CDCA4: variants seen among roughly 807,000 people sequenced by gnomAD.
CDCA4 encodes cell division cycle associated 4.
For missense variants in CDCA4, 294 were observed against 322.1 expected (o/e 0.91, Z 0.67); for synonymous variants, 130 against 137.0 (o/e 0.95, Z 0.36).
Position 105,011,153 on chromosome 14 carries a change from T to A in CDCA4, c.*51A>T. On this transcript the variant is annotated 3_prime_UTR_variant, in exon 2 of 2. Transcript: ENST00000336219. The stretch of plus-strand genomic sequence containing the variant: ...CAGGCGCACCCTCCGTGGGAGCCAG[T>A]GCTCACGTGTCAATGCGTCAGAGGC... 1 of 1,544,390 alleles carries A rather than the reference T, an allele frequency of 6.5e-7. No homozygotes were observed. The highest frequency in any genetic ancestry group is 8.7e-7 in the Non-Finnish European group (1 of 1,146,670).
chr14:105,012,571 C>T (rs1900536081), intron 1 of CDCA4, among the ~76,000 whole-genome samples: 1 of 152,246 alleles, frequency 6.6e-6, no homozygotes, highest in Non-Finnish European at 1.5e-5. Flanking sequence ...AGGGGAAGGA[C>T]TGCAGGGCTG....
intron 1 of CDCA4, among the ~76,000 whole-genome samples, chr14:105,020,103 C>A (rs1383726381): frequency 6.6e-6 from 1 of 152,212 alleles, no homozygotes; most frequent in Non-Finnish European, 1.5e-5. Context: ...ACTTCCTAGC[C>A]CCTTTTCCAA....
In CDCA4 at chr14:105,010,251, A is replaced by G. The variant is rs1900462069; in HGVS notation, c.*953T>C. 2 of 152,718 alleles carry G rather than the reference A, an allele frequency of 1.3e-5. 1 individual carries two copies. Among genetic ancestry groups the G allele is most frequent in the South Asian group, 4.1e-4 (2 of 4,832 alleles). 9.5% of individuals were successfully genotyped at this position (152,718 alleles called of 1,614,324 possible). A position where few individuals can be genotyped will look rare whatever the true frequency, so the allele number is the denominator to read the frequency against. On this transcript the variant is annotated 3_prime_UTR_variant, in exon 2 of 2. Transcript: ENST00000336219. ...TGTTTCAGCACCAGTCTAACAGAGC[A>G]GCGCAGGCGTTTCTCATCCAGCAGC... is the stretch of plus-strand genomic sequence containing the variant.
chr14:105,014,270 T>C (rs1407752125), intron 1 of CDCA4, among the ~76,000 whole-genome samples: 1 of 152,108 alleles, frequency 6.6e-6, no homozygotes, highest in Non-Finnish European at 1.5e-5. Flanking sequence ...AGCCGTGTCA[T>C]CACACGGACC....
At chr14:105,014,438 C>T (rs1268869533) in intron 1 of CDCA4, among the ~76,000 whole-genome samples, 1 of 152,198 alleles carries the variant, frequency 6.6e-6, no homozygotes, top group Non-Finnish European at 1.5e-5. Context: ...CTTATTTCCC[C>T]TACAGCACCC....
chr14:105,012,021 T>C (rs1900520008), intron 1 of CDCA4, 86 bp from the exon 2 acceptor site: 22 of 1,469,530 alleles, frequency 1.5e-5, no homozygotes, highest in Non-Finnish European at 2.0e-5. Context: ...CTGCCCTCAC[T>C]GTACGCAAGG....
At chr14:105,017,031 T>C (rs1045811466) in intron 1 of CDCA4, among the ~76,000 whole-genome samples, 23 of 152,218 alleles carry the variant, frequency 1.5e-4, no homozygotes, top group African/African-American at 5.5e-4. Flanking sequence ...AATAATCGTT[T>C]TATAAAATTT....
intron 1 of CDCA4, among the ~76,000 whole-genome samples, chr14:105,013,046 T>C (rs1035174672): frequency 6.6e-6 from 1 of 152,242 alleles, no homozygotes; most frequent in Admixed American, 6.5e-5. Flanking sequence ...TGGTTGAAGA[T>C]GCAGATTCCT....
At chr14:105,013,697 T>TG (rs1900565426) in intron 1 of CDCA4, among the ~76,000 whole-genome samples, 3 of 152,132 alleles carry the variant, frequency 2.0e-5, no homozygotes, top group Admixed American at 6.6e-5. Context: ...GGCTCCCACC[T>TG]GCTGGTCCTA....
chr14:105,017,181 C>T (rs1367927856), intron 1 of CDCA4, among the ~76,000 whole-genome samples: 12 of 151,556 alleles, frequency 7.9e-5, no homozygotes, highest in African/African-American at 2.9e-4. Context: ...AGGTGGGGGG[C>T]GGTCCTTGGC....
rs752763454 is a variant in CDCA4, at chr14:105,011,891, G to A, written c.39C>T (p.His13=). ...ARGLKRKCVG[H]EEDVEGALAG... is the part of the protein sequence containing the mutation. ...CCAGGGCTCCCTCCACGTCTTCCTC[G>A]TGGCCAACACATTTCCTCTTCAGTC... Residue 13 remains histidine, a synonymous_variant, in exon 2 of 2, where the codon CAC becomes CAT. Transcript: ENST00000336219. 39 of 1,613,308 alleles carry A rather than the reference G, an allele frequency of 2.4e-5. No individual in the cohort carries two copies. In the East Asian group the frequency reaches 5.8e-4, roughly 24 times the overall value.
chr14:105,017,316 G>A (rs1045373465), intron 1 of CDCA4, among the ~76,000 whole-genome samples: 1 of 152,002 alleles, frequency 6.6e-6, no homozygotes, highest in African/African-American at 2.4e-5. Context: ...AGGTTCAAGC[G>A]ATTCTCCTGC....
At chr14:105,013,755 T>C (rs1334020607) in intron 1 of CDCA4, among the ~76,000 whole-genome samples, 1 of 152,156 alleles carries the variant, frequency 6.6e-6, no homozygotes, top group Non-Finnish European at 1.5e-5. Context: ...TGAATTTCCC[T>C]TCAGTGTCAC....
In CDCA4 at chr14:105,011,119, C is replaced by T. The variant is rs774027690; in HGVS notation, c.*85G>A. Reference sequence around the variant, plus strand: ...AGCAGACAGGGCAGCAAGGCTGGGCCGCTGGCGGCAGGCGCACCCTCCGTG... The same window carrying T: ...AGCAGACAGGGCAGCAAGGCTGGGCTGCTGGCGGCAGGCGCACCCTCCGTG... On this transcript the variant is annotated 3_prime_UTR_variant, in exon 2 of 2. Transcript: ENST00000336219. The T allele has an allele frequency of 2.0e-5, 29 of 1,458,392 alleles. No homozygotes were observed. The highest frequency in any genetic ancestry group is 5.6e-5 in the South Asian group (4 of 71,862). 90.3% of individuals were successfully genotyped at this position (1,458,392 alleles called of 1,614,324 possible). A position where few individuals can be genotyped will look rare whatever the true frequency, so the allele number is the denominator to read the frequency against.
intron 1 of CDCA4, among the ~76,000 whole-genome samples, chr14:105,013,519 T>A (rs1446902939): frequency 6.6e-6 from 1 of 152,234 alleles, no homozygotes; most frequent in African/African-American, 2.4e-5. Context: ...TTTCTCTTAG[T>A]CAATCTGATG....
At chr14:105,019,106 G>A (rs997839683) in intron 1 of CDCA4, among the ~76,000 whole-genome samples, 1 of 152,096 alleles carries the variant, frequency 6.6e-6, no homozygotes, top group African/African-American at 2.4e-5. Flanking sequence ...TCCACAGGTT[G>A]TTACCGGGAC....
At chr14:105,012,359 G>A (rs1900530318) in intron 1 of CDCA4, among the ~76,000 whole-genome samples, 1 of 152,242 alleles carries the variant, frequency 6.6e-6, no homozygotes, top group South Asian at 2.1e-4. Flanking sequence ...TGTGAACCGT[G>A]CCAGCCTGCA....
At chr14:105,019,713 G>GTTTT (rs143638553) in intron 1 of CDCA4, among the ~76,000 whole-genome samples, 7,854 of 151,588 alleles carry the variant, frequency 0.052, 664 homozygotes, top group African/African-American at 0.18. Context: ...TCAGGTATTT[G>GTTTT]GTTTTTTTTG....
chr14:105,019,533 A>C (rs913891176), intron 1 of CDCA4, among the ~76,000 whole-genome samples: 1 of 152,244 alleles, frequency 6.6e-6, no homozygotes, highest in Non-Finnish European at 1.5e-5. Flanking sequence ...TTTTTAAGCA[A>C]ATCATCAACA....
Sources: gnomAD v4.1 joint callset for allele counts (sites outside exome capture counted in the v4.1 genomes callset) on GRCh38, gnomAD v4.1.1 for gene constraint, MANE v1.5 for transcripts, NCBI Gene and HGNC (gene_info 2026-07-23, HGNC 2026-07-21) for gene names.